NUDT1: variants seen among roughly 807,000 people sequenced by gnomAD.
The protein encoded by NUDT1 is oxidized purine nucleoside triphosphate hydrolase.
Under a neutral mutation model 11.3 loss-of-function variants are expected in NUDT1, and 16 were observed. The observed-to-expected ratio is 1.41, with a 90% confidence interval of 0.96 to 2.15. The LOEUF is 2.15. Ranked by LOEUF, NUDT1 falls within the 30% of genes most tolerant of loss-of-function variation. The pLI is 0.00. For synonymous variants in NUDT1, 101 were observed against 84.4 expected (o/e 1.20, Z -1.08); for missense variants, 234 against 208.4 (o/e 1.12, Z -0.76).
chr7:2,246,300 AG>A (rs937660383), intron 2 of NUDT1, among the ~76,000 whole-genome samples: 23 of 152,202 alleles, frequency 1.5e-4, no homozygotes, highest in African/African-American at 5.3e-4. Context: ...GACCTGCAGA[AG>A]GAGGTCTGGT....
intron 2 of NUDT1, among the ~76,000 whole-genome samples, chr7:2,245,290 A>G (rs1794726556): frequency 6.6e-6 from 1 of 152,214 alleles, no homozygotes; most frequent in Non-Finnish European, 1.5e-5. Flanking sequence ...AAATGAGATC[A>G]TCTGTGTAAA....
rs1293288751 is a variant in NUDT1 at position 2,247,758 on chromosome 7, G to A, written c.153-2099G>A. On this transcript the variant is annotated intron_variant, in intron 2 of 3. Transcript: ENST00000356714. ...TGGAGCTTCAGCTCTGTCTCCCGGCGGATTCTTGATGCTTCCTACGCTGCC... is the reference window on the plus strand; with the variant it reads ...TGGAGCTTCAGCTCTGTCTCCCGGCAGATTCTTGATGCTTCCTACGCTGCC... 2.6e-5 allele frequency among the ~76,000 whole-genome samples: 4 copies of A among 152,216 alleles called. 1 individual carries two copies. The highest frequency in any genetic ancestry group is 2.0e-4 in the Admixed American group (3 of 15,286).
chr7:2,242,341 G>C (rs777236863), intron 1 of NUDT1, 85 bp downstream of exon 1: 48 of 602,572 alleles, frequency 8.0e-5, no homozygotes, highest in Non-Finnish European at 4.7e-5. Flanking sequence ...GACTAGGGGA[G>C]CTGAGCCATG....
At chr7:2,242,848 C>G in intron 1 of NUDT1, 1 of 679,446 alleles carries the variant, frequency 1.5e-6, no homozygotes, top group Non-Finnish European at 2.7e-6. Context: ...TCAGTTTAGC[C>G]TTGTAGGTGG....
At chr7:2,243,205 T>TA (rs984555642) in intron 1 of NUDT1, among the ~76,000 whole-genome samples, 4 of 152,098 alleles carry the variant, frequency 2.6e-5, no homozygotes, top group Non-Finnish European at 4.4e-5. Context: ...CTGCCCACTA[T>TA]AAAAAACCAC....
chr7:2,249,056 C>A (rs1298071853), intron 2 of NUDT1, among the ~76,000 whole-genome samples: 1 of 152,214 alleles, frequency 6.6e-6, no homozygotes, highest in South Asian at 2.1e-4. Context: ...TAGACTACTT[C>A]GGGGAAACCT....
chr7:2,244,156 G>A (rs148925801), intron 1 of NUDT1, among the ~76,000 whole-genome samples: 16 of 152,340 alleles, frequency 1.1e-4, no homozygotes, highest in African/African-American at 1.9e-4. Flanking sequence ...GATAAACTGC[G>A]TGGTTATTTT....
rs565354586 is a variant in NUDT1, at chr7:2,242,360, G to A, written c.-13+104G>A. ...AGGGGAGCTGAGCCATGGGCTTGGG[G>A]GAGAGCGGGGCCGGGAGCTCGAAGG... On this transcript the variant is annotated intron_variant, in intron 1 of 3. Coordinates refer to ENST00000356714, the MANE Select transcript of NUDT1 (RefSeq NM_002452.4). 11 of 556,582 alleles carry A rather than the reference G, an allele frequency of 2.0e-5. No individual in the cohort carries two copies. The South Asian group carries it at 2.5e-4, about 13-fold the overall frequency. 34.5% of individuals were successfully genotyped at this position (556,582 alleles called of 1,614,324 possible). A position where few individuals can be genotyped will look rare whatever the true frequency, so the allele number is the denominator to read the frequency against.
chr7:2,249,744 A>C (rs1794902648), intron 2 of NUDT1, 113 bp from the exon 3 acceptor site: 10 of 1,391,148 alleles, frequency 7.2e-6, no homozygotes, highest in Non-Finnish European at 9.9e-6. Flanking sequence ...TCTCCCATCC[A>C]CCCTGGTGGC....
At position 2,247,249 on chromosome 7, in the gene NUDT1, T is replaced by C. The variant is rs529089728; in HGVS notation, c.152+2523T>C. Among the ~76,000 whole-genome samples, 46 of 152,204 alleles carry C rather than the reference T, an allele frequency of 3.0e-4. 1 individual carries two copies. The highest frequency in any genetic ancestry group is 2.8e-3 in the Admixed American group (43 of 15,298). On this transcript the variant is annotated intron_variant, in intron 2 of 3. Coordinates refer to ENST00000356714, the MANE Select transcript of NUDT1 (RefSeq NM_002452.4). ...CCTGCTTTATCCACGCAATACCCAG[T>C]CCTATTCTATCAGGAGGACCCCAAG... is the stretch of plus-strand genomic sequence containing the variant.
chr7:2,250,806 C>T (rs1237711445), intron 3 of NUDT1, 23 bp from the exon 4 acceptor site: 4 of 1,613,830 alleles, frequency 2.5e-6, no homozygotes, highest in Non-Finnish European at 2.5e-6. Flanking sequence ...ACCTCAGTGC[C>T]TCCTCTTCCC....
chr7:2,243,723 C>T (rs1023050386), intron 1 of NUDT1, among the ~76,000 whole-genome samples: 1 of 152,154 alleles, frequency 6.6e-6, no homozygotes. Flanking sequence ...CAGTGAACCG[C>T]GATCACGCCA....
At chr7:2,247,459 A>G (rs3807428) in intron 2 of NUDT1, among the ~76,000 whole-genome samples, 143,148 of 152,224 alleles carry the variant, frequency 0.94, 67,407 homozygotes, top group African/African-American at 0.97. Flanking sequence ...TCAGGCGCAC[A>G]GTGTGAGCCG....
At chr7:2,245,283 T>C (rs1448251817) in intron 2 of NUDT1, among the ~76,000 whole-genome samples, 1 of 152,072 alleles carries the variant, frequency 6.6e-6, no homozygotes, top group East Asian at 1.9e-4. Flanking sequence ...ACAGGGTAAA[T>C]GAGATCATCT....
intron 1 of NUDT1, 112 bp from the exon 2 acceptor site, chr7:2,244,451 T>TTGCCCCCCCC: frequency 2.2e-5 from 22 of 981,610 alleles, no homozygotes; most frequent in Middle Eastern, 3.3e-4. Context: ...AGTTACAGCA[T>TTGCCCCCCCC]ACCCCCCCGC....
At chr7:2,247,032 C>T (rs1193193998) in intron 2 of NUDT1, among the ~76,000 whole-genome samples, 3 of 152,152 alleles carry the variant, frequency 2.0e-5, no homozygotes, top group Non-Finnish European at 4.4e-5. Flanking sequence ...CCCAGGGCCC[C>T]GGGAACCCAG....
chr7:2,246,432 T>C (rs549030681), intron 2 of NUDT1, among the ~76,000 whole-genome samples: 2 of 152,192 alleles, frequency 1.3e-5, no homozygotes, highest in East Asian at 3.9e-4. Flanking sequence ...AAGGAGACAT[T>C]TGCAGAAGCA....
At chr7:2,242,921 C>T in intron 1 of NUDT1, 3 of 710,232 alleles carry the variant, frequency 4.2e-6, no homozygotes, top group Middle Eastern at 3.6e-4. Context: ...TTCTGTATCC[C>T]TAGGTTTCTT....
intron 2 of NUDT1, among the ~76,000 whole-genome samples, chr7:2,245,352 A>C (rs1794729347): frequency 6.6e-6 from 1 of 152,194 alleles, no homozygotes; most frequent in South Asian, 2.1e-4. Context: ...TGAGAAAGGT[A>C]GGCCAGCTTG....
Sources: allele counts gnomAD v4.1 joint callset (sites outside exome capture counted in the v4.1 genomes callset), GRCh38; gene constraint gnomAD v4.1.1; transcripts MANE v1.5; gene names NCBI Gene and HGNC (gene_info 2026-07-23, HGNC 2026-07-21).